MTA3: variants seen among roughly 807,000 people sequenced by gnomAD.
MTA3 encodes metastasis associated 1 family member 3.
A neutral mutation model predicts 83.5 loss-of-function variants in MTA3; 34 were observed. The observed-to-expected ratio is 0.41, with a 90% confidence interval of 0.31 to 0.54. MTA3 has a LOEUF of 0.54. MTA3 is among the 20% of genes least tolerant of loss of function. MTA3 has a pLI of 0.33. For synonymous variants in MTA3, 303 were observed against 252.7 expected (o/e 1.20, Z -1.89); for missense variants, 761 against 726.4 (o/e 1.05, Z -0.55).
chr2:42,678,581 G>A (rs1691591773), intron 8 of MTA3, among the ~76,000 whole-genome samples: 1 of 152,004 alleles, frequency 6.6e-6, no homozygotes, highest in African/African-American at 2.4e-5. Context: ...CGCCTGCATT[G>A]GCCTCCCAAA....
chr2:42,678,958 T>A (rs1415365194), intron 8 of MTA3, among the ~76,000 whole-genome samples: 5 of 152,146 alleles, frequency 3.3e-5, no homozygotes, highest in African/African-American at 1.2e-4. Context: ...TCACATACAT[T>A]CTCATTTGAC....
chr2:42,550,141 G>A (rs1440722549), intron 2 of MTA3, among the ~76,000 whole-genome samples: 1 of 152,106 alleles, frequency 6.6e-6, no homozygotes, highest in African/African-American at 2.4e-5. Flanking sequence ...TGCAAGCTGA[G>A]GTTGCTAAGA....
At chr2:42,666,552 C>T (rs1690252127) in intron 8 of MTA3, among the ~76,000 whole-genome samples, 1 of 152,188 alleles carries the variant, frequency 6.6e-6, no homozygotes, top group Non-Finnish European at 1.5e-5. Context: ...CTGATGCTCT[C>T]ATAGCCCCAC....
chr2:42,620,269 C>G (rs1055955892), intron 4 of MTA3, among the ~76,000 whole-genome samples: 3 of 152,040 alleles, frequency 2.0e-5, no homozygotes, highest in Non-Finnish European at 4.4e-5. Context: ...CAGATGTGCA[C>G]TGCCACGCCT....
Position 42,756,825 on chromosome 2 carries a change from T to C in MTA3, c.*3426T>C. 1.0e-6 allele frequency: 1 copy of C among 985,404 alleles called. No homozygotes were observed. The highest frequency in any genetic ancestry group is 1.2e-6 in the Non-Finnish European group (1 of 829,904). The allele number at this position is 985,404 out of a possible 1,614,324, so 61.0% of individuals were successfully genotyped here. On this transcript the variant is annotated 3_prime_UTR_variant, in exon 17 of 17. Coordinates refer to ENST00000405094, the MANE Select transcript of MTA3 (RefSeq NM_001330442.2). ...AACCCAGAGCACGCACCTGTGCTCA[T>C]GAGTGTTTCCGCAGGATAATTCGTT...
At chr2:42,620,198 A>G (rs1685376733) in intron 4 of MTA3, among the ~76,000 whole-genome samples, 2 of 150,262 alleles carry the variant, frequency 1.3e-5, no homozygotes, top group Admixed American at 1.3e-4. Context: ...GGCTCACTGC[A>G]ACCTCTGCCA....
chr2:42,503,701 G>A (rs1330327130), intron 2 of MTA3, among the ~76,000 whole-genome samples: 1 of 152,064 alleles, frequency 6.6e-6, no homozygotes, highest in Non-Finnish European at 1.5e-5. Flanking sequence ...CCCTAAGAGG[G>A]GCTCCTGTTC....
intron 2 of MTA3, among the ~76,000 whole-genome samples, chr2:42,573,133 C>T (rs1678677456): frequency 6.6e-6 from 1 of 152,146 alleles, no homozygotes; most frequent in Non-Finnish European, 1.5e-5. Context: ...TTGTTTTCCT[C>T]CAGACTTCTC....
intron 4 of MTA3, among the ~76,000 whole-genome samples, chr2:42,624,064 C>T (rs560427735): frequency 1.5e-4 from 23 of 152,134 alleles, no homozygotes; most frequent in Non-Finnish European, 2.5e-4. Context: ...GAGGAACAAA[C>T]GCAAGAGACA....
At chr2:42,520,065 G>C (rs1458012888) in intron 2 of MTA3, among the ~76,000 whole-genome samples, 1 of 152,148 alleles carries the variant, frequency 6.6e-6, no homozygotes, top group Admixed American at 6.6e-5. Flanking sequence ...TAAAGTGATT[G>C]AGTTCAAGGA....
intron 2 of MTA3, among the ~76,000 whole-genome samples, chr2:42,513,415 G>A (rs962954416): frequency 1.1e-4 from 17 of 152,156 alleles, no homozygotes; most frequent in African/African-American, 4.1e-4. Flanking sequence ...AACACTTCCA[G>A]AGAGGACCAC....
intron 5 of MTA3, among the ~76,000 whole-genome samples, chr2:42,643,260 G>A (rs1339152059): frequency 6.6e-6 from 1 of 152,032 alleles, no homozygotes; most frequent in Admixed American, 6.6e-5. Flanking sequence ...GTAAAGTTCT[G>A]GTAGTAGGGA....
At chr2:42,597,813 T>C (rs1234540534) in intron 3 of MTA3, among the ~76,000 whole-genome samples, 8 of 151,594 alleles carry the variant, frequency 5.3e-5, no homozygotes, top group African/African-American at 1.9e-4. Context: ...CCTGAGTAGC[T>C]GGGACTACAG....
In MTA3 at chr2:42,620,223, A is replaced by T. The variant is rs1225255215; in HGVS notation, c.317+10639A>T. Among the ~76,000 whole-genome samples, 2 of 150,216 alleles carry T rather than the reference A, an allele frequency of 1.3e-5. 1 individual carries two copies. The highest frequency in any genetic ancestry group is 4.9e-5 in the African/African-American group (2 of 40,672). The stretch of plus-strand genomic sequence containing the variant: ...AACCTCTGCCACCCACGTTCAAGTG[A>T]TTCTCCTGCCTCAGCCTCCCGAGTA... On this transcript the variant is annotated intron_variant, in intron 4 of 16. Transcript: ENST00000405094.
chr2:42,600,085 C>T (rs1682372558), intron 3 of MTA3, among the ~76,000 whole-genome samples: 1 of 152,054 alleles, frequency 6.6e-6, no homozygotes, highest in Non-Finnish European at 1.5e-5. Context: ...GTAGTCCCAG[C>T]TACTCAGGAG....
intron 6 of MTA3, among the ~76,000 whole-genome samples, chr2:42,649,967 C>CT (rs1236054910): frequency 6.6e-6 from 1 of 152,014 alleles, no homozygotes; most frequent in African/African-American, 2.4e-5. Context: ...ATGATTGTTA[C>CT]TTTTTTTTGG....
At chr2:42,725,151 T>G (rs1478741664) in intron 16 of MTA3, among the ~76,000 whole-genome samples, 1 of 152,192 alleles carries the variant, frequency 6.6e-6, no homozygotes, top group Non-Finnish European at 1.5e-5. Context: ...TGACAGGAGG[T>G]TCTGGGAGGT....
At chr2:42,656,376 A>T (rs1689173428) in intron 7 of MTA3, 74 bp downstream of exon 7, 1 of 868,488 alleles carries the variant, frequency 1.2e-6, no homozygotes, top group Non-Finnish European at 1.7e-6. Context: ...ATGTATTTTT[A>T]TTTCTTTGTA....
chr2:42,688,488 C>T (rs570570345), intron 9 of MTA3, among the ~76,000 whole-genome samples: 1 of 152,258 alleles, frequency 6.6e-6, no homozygotes, highest in South Asian at 2.1e-4. Flanking sequence ...AGCCTCTTTT[C>T]ATGTGTTTCA....
Sources: gnomAD v4.1 joint callset for allele counts (sites outside exome capture counted in the v4.1 genomes callset) on GRCh38, gnomAD v4.1.1 for gene constraint, MANE v1.5 for transcripts, NCBI Gene and HGNC (gene_info 2026-07-23, HGNC 2026-07-21) for gene names.